Variants in ASZ1 observed in about 807,000 individuals in gnomAD.
ASZ1 encodes ankyrin repeat, SAM and basic leucine zipper domain-containing protein 1.
ASZ1 carries 67 observed loss-of-function variants against 61.8 expected under a neutral mutation model. The observed-to-expected ratio is 1.08, with a 90% CI of 0.89 to 1.33. The LOEUF is 1.33. ASZ1 is among the 40% of genes most tolerant of loss of function. ASZ1 has a pLI of 0.00. For synonymous variants in ASZ1, 193 were observed against 192.7 expected, an observed-to-expected ratio of 1.00 and a Z score of -0.01; for missense variants, 577 against 554.5, an observed-to-expected ratio of 1.04 and a Z score of -0.41.
Position 117,363,529 on chromosome 7 carries a change from G to C in ASZ1, c.*67C>G. 1 of 1,303,000 alleles carries C rather than the reference G, an allele frequency of 7.7e-7. No individual in the cohort carries two copies. The highest frequency in any genetic ancestry group is 1.0e-6 in the Non-Finnish European group (1 of 984,994). The allele number at this position is 1,303,000 out of a possible 1,614,324, so 80.7% of individuals were successfully genotyped here. A position where few individuals can be genotyped will look rare whatever the true frequency, so the allele number is the denominator to read the frequency against. On this transcript the variant is annotated 3_prime_UTR_variant, in exon 13 of 13. Transcript: ENST00000284629. ...GTAAAGTTATATTGTGCTGCAAACA[G>C]TTAAAAGCAATGATTTTTGGATGGT...
At chr7:117,403,380 T>G (rs1796716793) in intron 4 of ASZ1, among the ~76,000 whole-genome samples, 1 of 152,132 alleles carries the variant, frequency 6.6e-6, no homozygotes, top group African/African-American at 2.4e-5. Context: ...TTCTGTGATT[T>G]TATCATGCCC....
chr7:117,385,811 T>G lies in ASZ1; in HGVS notation c.441-2A>C, dbSNP rs373779367. On this transcript the variant is annotated splice_acceptor_variant, in intron 4 of 12. Coordinates refer to ENST00000284629, the MANE Select transcript of ASZ1 (RefSeq NM_130768.3). LOFTEE classifies it high-confidence loss of function. ...TACATGATTGGGGTCATAAGTCTCC[T>G]AAGGAGGAGGAAGAAAGGAAACATT... The G allele has an allele frequency of 6.9e-6, 11 of 1,602,038 alleles. No homozygotes were observed. The African/African-American group carries it at 1.5e-4, about 21-fold the overall frequency.
At chr7:117,389,683 C>G (rs6466611) in intron 4 of ASZ1, among the ~76,000 whole-genome samples, 1 of 152,008 alleles carries the variant, frequency 6.6e-6, no homozygotes, top group African/African-American at 2.4e-5. Flanking sequence ...ACAAGTCATG[C>G]AGACCTGCAC....
At chr7:117,426,414 C>T (rs1420583423) in intron 2 of ASZ1, among the ~76,000 whole-genome samples, 13 of 133,770 alleles carry the variant, frequency 9.7e-5, no homozygotes, top group African/African-American at 3.5e-4. Flanking sequence ...CGCTTGAACC[C>T]GAAGGTGGAG....
At chr7:117,380,104 C>T (rs1284880779) in intron 9 of ASZ1, 57 bp from the exon 10 acceptor site, 1 of 1,096,484 alleles carries the variant, frequency 9.1e-7, no homozygotes, top group Non-Finnish European at 1.3e-6. Context: ...TAATTTAAAA[C>T]TCAAAATTGC....
At chr7:117,367,291 C>T in intron 12 of ASZ1, 61 bp downstream of exon 12, 1 of 1,258,666 alleles carries the variant, frequency 7.9e-7, no homozygotes, top group Non-Finnish European at 1.0e-6. Context: ...CATTGTCTAA[C>T]ACCTTTTGCT....
At chr7:117,426,976 T>C in intron 1 of ASZ1, 41 bp from the exon 2 acceptor site, 3 of 1,542,886 alleles carry the variant, frequency 1.9e-6, no homozygotes, top group Non-Finnish European at 2.6e-6. Flanking sequence ...GTTATATATA[T>C]TTTTGTTTCC....
intron 12 of ASZ1, among the ~76,000 whole-genome samples, 158 bp from the exon 13 acceptor site, chr7:117,363,906 A>G (rs1795879006): frequency 6.6e-6 from 1 of 152,204 alleles, no homozygotes; most frequent in African/African-American, 2.4e-5. Flanking sequence ...AAGTAAACAT[A>G]TATGTCTGAA....
chr7:117,372,925 T>C (rs1796074037), intron 10 of ASZ1, among the ~76,000 whole-genome samples: 1 of 152,194 alleles, frequency 6.6e-6, no homozygotes, highest in Admixed American at 6.6e-5. Context: ...AAAATAATTA[T>C]ATTGATGCAA....
intron 4 of ASZ1, among the ~76,000 whole-genome samples, chr7:117,395,667 TA>T (rs1254934354): frequency 6.6e-6 from 1 of 152,140 alleles, no homozygotes; most frequent in Non-Finnish European, 1.5e-5. Context: ...ATTAGTTTTG[TA>T]AAAACTACTA....
chr7:117,398,158 T>C lies in ASZ1; in HGVS notation c.441-12349A>G, dbSNP rs946637041. ...TAATCTGCTTAAAACACTCCTATCC[T>C]ATGGAGTGCTATCTCGCTTCAATAT... On this transcript the variant is annotated intron_variant, in intron 4 of 12. Coordinates refer to ENST00000284629, the MANE Select transcript of ASZ1 (RefSeq NM_130768.3). Among the ~76,000 whole-genome samples the C allele has an allele frequency of 3.3e-5, 5 of 152,254 alleles. No homozygotes were observed. In the East Asian group the frequency reaches 9.6e-4, roughly 29 times the overall value.
chr7:117,373,440 A>G (rs1194805563), intron 10 of ASZ1, among the ~76,000 whole-genome samples: 1 of 152,180 alleles, frequency 6.6e-6, no homozygotes, highest in Non-Finnish European at 1.5e-5. Context: ...GTGTGTATGC[A>G]TTGTTGTAAC....
At position 117,426,163 on chromosome 7, in the gene ASZ1, C is replaced by T. The variant is rs192466404; in HGVS notation, c.205+673G>A. Among the ~76,000 whole-genome samples the T allele has an allele frequency of 1.3e-4, 19 of 151,864 alleles. 1 individual carries two copies. Among genetic ancestry groups the T allele is most frequent in the Admixed American group, 9.8e-4 (15 of 15,260 alleles). On this transcript the variant is annotated intron_variant, in intron 2 of 12. Transcript: ENST00000284629. The stretch of plus-strand genomic sequence containing the variant: ...AACAAAAAACTGTAACGAGAAAGAA[C>T]TAAAATGTAGAACCATTTCTTAAGA...
At chr7:117,366,620 G>T (rs192671545) in intron 12 of ASZ1, among the ~76,000 whole-genome samples, 189 of 151,342 alleles carry the variant, frequency 1.2e-3, no homozygotes, top group African/African-American at 4.5e-3. Context: ...TTTTTAAAGT[G>T]GAAAAATCAC....
At position 117,422,320 on chromosome 7, in the gene ASZ1, G is replaced by C. The variant is rs759590403; in HGVS notation, c.245C>G (p.Pro82Arg). The stretch of plus-strand genomic sequence containing the variant: ...GGCAACACTAGCAGCATACATAAGG[G>C]GAGTCCATCCATACTGAAAGTTGGA... ...VDSNFQYGWT[P>R]LMYAASVANA... is the part of the protein sequence containing the mutation. Residue 82 changes from proline (P) to arginine (R), a missense_variant, in exon 3 of 13, where the codon CCC becomes CGC. By Grantham distance (103) the Pro-to-Arg change is moderately radical. Transcript: ENST00000284629. 13 of 1,612,490 alleles carry C rather than the reference G, an allele frequency of 8.1e-6. No individual in the cohort carries two copies. The highest frequency in any genetic ancestry group is 1.1e-5 in the Non-Finnish European group (13 of 1,179,380).
chr7:117,367,277 G>T, intron 12 of ASZ1, 75 bp downstream of exon 12: 1 of 1,146,130 alleles, frequency 8.7e-7, no homozygotes, highest in Non-Finnish European at 1.1e-6. Flanking sequence ...TACCAGAACT[G>T]CTTCATTGTC....
intron 2 of ASZ1, among the ~76,000 whole-genome samples, chr7:117,423,700 A>T (rs895061226): frequency 2.0e-5 from 3 of 150,084 alleles, no homozygotes; most frequent in African/African-American, 7.3e-5. Flanking sequence ...AAAAAAAAAA[A>T]AAAAAAAAAA....
intron 4 of ASZ1, among the ~76,000 whole-genome samples, chr7:117,388,024 A>G (rs1336637085): frequency 1.3e-5 from 2 of 152,216 alleles, no homozygotes; most frequent in Admixed American, 6.5e-5. Context: ...TATTATGAAC[A>G]AATTTATGCC....
chr7:117,381,594 T>C (rs1026545724), intron 8 of ASZ1, among the ~76,000 whole-genome samples: 4 of 152,136 alleles, frequency 2.6e-5, no homozygotes, highest in Non-Finnish European at 4.4e-5. Context: ...CCCCATAATG[T>C]ATGCTTAAAA....
Sources: gnomAD v4.1 joint callset for allele counts (sites outside exome capture counted in the v4.1 genomes callset) on GRCh38, gnomAD v4.1.1 for gene constraint, MANE v1.5 for transcripts, NCBI Gene and HGNC (gene_info 2026-07-23, HGNC 2026-07-21) for gene names.